Variants in TTR observed in about 807,000 individuals in gnomAD.
TTR encodes the protein epididymis luminal protein 111.
In TTR, 8 loss-of-function variants were observed where a neutral mutation model predicts 13.7. That is an observed-to-expected ratio of 0.58 (90% CI 0.34 to 1.05). TTR has a LOEUF of 1.05. Among genes scored for constraint, TTR ranks in the 50% least tolerant of loss-of-function variants. The pLI, the probability that TTR is intolerant of heterozygous loss-of-function variation, is 0.02. For synonymous variants in TTR, 75 were observed against 71.7 expected, an observed-to-expected ratio of 1.05 and a Z score of -0.23; for missense variants, 135 against 185.5, an observed-to-expected ratio of 0.73 and a Z score of 1.58.
chr18:31,592,033 G>A, intron 1 of TTR, 62 bp downstream of exon 1: 2 of 1,574,986 alleles, frequency 1.3e-6, no homozygotes, highest in Non-Finnish European at 1.7e-6. Flanking sequence ...AAGTAGAAGT[G>A]ACTCCTTCCA....
chr18:31,593,957 A>G (rs1294405322), intron 2 of TTR, among the ~76,000 whole-genome samples: 1 of 152,224 alleles, frequency 6.6e-6, no homozygotes, highest in Non-Finnish European at 1.5e-5. Flanking sequence ...TGATTCTTCA[A>G]CCATTATTGG....
At chr18:31,596,425 C>T (rs1229256872) in intron 3 of TTR, among the ~76,000 whole-genome samples, 3 of 152,074 alleles carry the variant, frequency 2.0e-5, no homozygotes, top group African/African-American at 7.2e-5. Context: ...AAGACATGGA[C>T]CCCAGTCAGG....
At chr18:31,593,158 T>TATGCCCTCTGAAGG (rs1240726236) in intron 2 of TTR, 132 bp downstream of exon 2, 15 of 1,367,626 alleles carry the variant, frequency 1.1e-5, no homozygotes, top group Non-Finnish European at 1.4e-5. Flanking sequence ...AGAGGTCAAG[T>TATGCCCTCTGAAGG]ATGCCCTCTG....
rs751512499 is a variant in TTR, at chr18:31,593,030, A to G, written c.200+4A>G. 7 of 1,613,676 alleles carry G rather than the reference A, an allele frequency of 4.3e-6. No homozygotes were observed. In the East Asian group the frequency reaches 1.3e-4, roughly 31 times the overall value. On this transcript the variant is annotated splice_donor_region_variant and intron_variant, in intron 2 of 3. Transcript: ENST00000237014. ...CCTGGGAGCCATTTGCCTCTGGGTA[A>G]GTTGCCAAAGAACCCTCCCACAGGA...
At chr18:31,596,270 C>G (rs2073516199) in intron 3 of TTR, 1 of 154,370 alleles carries the variant, frequency 6.5e-6, no homozygotes, top group Non-Finnish European at 1.5e-5. Flanking sequence ...ATGGATGAGA[C>G]TTTCAATTGC....
intron 2 of TTR, chr18:31,593,620 G>A (rs1168653286): frequency 1.3e-5 from 2 of 153,194 alleles, no homozygotes; most frequent in African/African-American, 4.8e-5. Flanking sequence ...CAAGGCTGGG[G>A]GCTGTCAAGC....
intron 3 of TTR, among the ~76,000 whole-genome samples, chr18:31,597,816 C>G (rs2073524301): frequency 6.6e-6 from 1 of 152,208 alleles, no homozygotes; most frequent in Non-Finnish European, 1.5e-5. Flanking sequence ...GTGTGACTAT[C>G]TGGAACAGCA....
intron 1 of TTR, among the ~76,000 whole-genome samples, chr18:31,592,500 G>T (rs2073491017): frequency 6.6e-6 from 1 of 152,160 alleles, no homozygotes; most frequent in African/African-American, 2.4e-5. Context: ...TATAACAACT[G>T]GTAAGAGGGA....
intron 2 of TTR, 126 bp downstream of exon 2, chr18:31,593,152 G>A: frequency 2.1e-6 from 3 of 1,422,918 alleles, no homozygotes; most frequent in Non-Finnish European, 2.9e-6. Context: ...GTAGGCAGAG[G>A]TCAAGTATGC....
In TTR at chr18:31,595,258, G is replaced by A; in HGVS notation, c.336+3G>A. The A allele has an allele frequency of 1.9e-6, 3 of 1,614,176 alleles. No homozygotes were observed. The highest frequency in any genetic ancestry group is 2.5e-6 in the Non-Finnish European group (3 of 1,180,020). On this transcript the variant is annotated splice_donor_region_variant and intron_variant, in intron 3 of 3. Coordinates refer to ENST00000237014, the MANE Select transcript of TTR (RefSeq NM_000371.4). ...CCCCATTCCATGAGCATGCAGAGGT[G>A]AGTATACAGACCTTCGAGGGTTGTT... is the stretch of plus-strand genomic sequence containing the variant.
chr18:31,593,808 T>C (rs1291154218), intron 2 of TTR, among the ~76,000 whole-genome samples: 6 of 152,132 alleles, frequency 3.9e-5, no homozygotes, highest in African/African-American at 9.7e-5. Flanking sequence ...AAAATACATA[T>C]TAATAAATCT....
At chr18:31,596,747 C>T (rs554139536) in intron 3 of TTR, among the ~76,000 whole-genome samples, 6 of 152,080 alleles carry the variant, frequency 3.9e-5, no homozygotes, top group African/African-American at 1.2e-4. Flanking sequence ...AAATACATCC[C>T]GACCCTTGGA....
chr18:31,596,581 T>A (rs533066168), intron 3 of TTR, among the ~76,000 whole-genome samples: 1 of 152,264 alleles, frequency 6.6e-6, no homozygotes, highest in African/African-American at 2.4e-5. Context: ...ATAAAAAGGT[T>A]CACTGACATA....
chr18:31,595,514 A>G, intron 3 of TTR: 2 of 594,256 alleles, frequency 3.4e-6, no homozygotes, highest in Non-Finnish European at 6.3e-6. Context: ...ATTCCACTTT[A>G]TATGAATATT....
At position 31,598,582 on chromosome 18, in the gene TTR, C is replaced by T. The variant is rs2073528209; in HGVS notation, c.351C>T (p.Ala117=). 1 of 1,613,996 alleles carries T rather than the reference C, an allele frequency of 6.2e-7. No individual in the cohort carries two copies. Among genetic ancestry groups the T allele is most frequent in the South Asian group, 1.1e-5 (1 of 91,084 alleles). ...FHEHAEVVFT[A]NDSGPRRYTI... ...TTCTCTCATAGGTGGTATTCACAGC[C>T]AACGACTCCGGCCCCCGCCGCTACA... The change falls in exon 4 of 4, where the codon GCC becomes GCT. Residue 117 remains alanine, a synonymous_variant. Transcript: ENST00000237014.
chr18:31,595,426 C>A (rs552165039), intron 3 of TTR, 171 bp downstream of exon 3: 34 of 910,412 alleles, frequency 3.7e-5, no homozygotes, highest in African/African-American at 1.2e-4. Flanking sequence ...CTCTGAGAAG[C>A]AAATTTCTTT....
intron 2 of TTR, 92 bp from the exon 3 acceptor site, chr18:31,595,028 G>A: frequency 2.2e-6 from 3 of 1,356,224 alleles, no homozygotes; most frequent in Non-Finnish European, 3.1e-6. Context: ...TTTATAACAT[G>A]TTTATGTGTG....
At chr18:31,593,066 T>G in intron 2 of TTR, 40 bp downstream of exon 2, 1 of 1,611,988 alleles carries the variant, frequency 6.2e-7, no homozygotes, top group Admixed American at 1.7e-5. Context: ...CTTGGTTTTA[T>G]CTTCCCGTTT....
chr18:31,596,382 G>C (rs1567946433), intron 3 of TTR, among the ~76,000 whole-genome samples: 1 of 152,166 alleles, frequency 6.6e-6, no homozygotes, highest in East Asian at 1.9e-4. Context: ...ATCTACCAAG[G>C]AGCATGTCCC....
Sources: gnomAD v4.1 joint callset for allele counts (sites outside exome capture counted in the v4.1 genomes callset) on GRCh38, gnomAD v4.1.1 for gene constraint, MANE v1.5 for transcripts, NCBI Gene and HGNC (gene_info 2026-07-23, HGNC 2026-07-21) for gene names.